The following GRIK2 variants were observed in gnomAD, a reference collection of about 807,000 sequenced individuals.
GRIK2 encodes the protein glutamate receptor ionotropic, kainate 2.
In GRIK2, 32 loss-of-function variants were observed where a neutral mutation model predicts 100.3. The ratio of observed to expected loss-of-function variants is 0.32; its 90% CI spans 0.24 to 0.43. The LOEUF is 0.43. GRIK2 is among the 20% of genes least tolerant of loss of function. The pLI, the probability that GRIK2 is intolerant of heterozygous loss-of-function variation, is 1.00. For missense variants in GRIK2, 843 were observed against 1,114.9 expected, an observed-to-expected ratio of 0.76 and a Z score of 3.47; for synonymous variants, 417 against 389.4, an observed-to-expected ratio of 1.07 and a Z score of -0.83.
At chr6:101,748,082 T>C (rs1020051799) in intron 7 of GRIK2, among the ~76,000 whole-genome samples, 3 of 152,208 alleles carry the variant, frequency 2.0e-5, no homozygotes, top group African/African-American at 7.2e-5. Context: ...CTGCAGTCAC[T>C]ACCATGTAAA....
chr6:101,839,452 A>G (rs1478681642), intron 10 of GRIK2, among the ~76,000 whole-genome samples: 1 of 152,164 alleles, frequency 6.6e-6, no homozygotes, highest in East Asian at 1.9e-4. Flanking sequence ...CTGGTGATGG[A>G]TGAGTGTGAA....
chr6:101,437,131 T>G (rs950123543), intron 2 of GRIK2, among the ~76,000 whole-genome samples: 9 of 151,990 alleles, frequency 5.9e-5, no homozygotes, highest in Non-Finnish European at 1.3e-4. Flanking sequence ...CTAAATTTAC[T>G]AAAGACTGAG....
chr6:101,460,065 G>C (rs570908623), intron 2 of GRIK2, among the ~76,000 whole-genome samples: 3 of 152,216 alleles, frequency 2.0e-5, no homozygotes, highest in African/African-American at 7.2e-5. Flanking sequence ...CCGCACATCT[G>C]TTGCTCTTAT....
At chr6:101,564,975 T>C (rs1475955656) in intron 2 of GRIK2, among the ~76,000 whole-genome samples, 1 of 152,126 alleles carries the variant, frequency 6.6e-6, no homozygotes, top group Non-Finnish European at 1.5e-5. Flanking sequence ...CTCATCCATA[T>C]TCCCCAAAAT....
intron 14 of GRIK2, among the ~76,000 whole-genome samples, chr6:101,963,643 C>T (rs564741297): frequency 4.0e-4 from 60 of 151,442 alleles, no homozygotes; most frequent in South Asian, 2.5e-3. Flanking sequence ...TGAGCCACCG[C>T]GCCCGGCCAC....
chr6:101,447,704 T>C (rs1012426895), intron 2 of GRIK2, among the ~76,000 whole-genome samples: 1 of 151,712 alleles, frequency 6.6e-6, no homozygotes, highest in Non-Finnish European at 1.5e-5. Context: ...TCTTGAACTA[T>C]TGATGAGACA....
chr6:101,923,680 G>C (rs1437813002), intron 12 of GRIK2, among the ~76,000 whole-genome samples: 2 of 152,046 alleles, frequency 1.3e-5, no homozygotes, highest in Non-Finnish European at 2.9e-5. Flanking sequence ...TAGCACTTTG[G>C]GAGGCCCAGG....
At chr6:101,434,850 T>G (rs920159692) in intron 2 of GRIK2, among the ~76,000 whole-genome samples, 3 of 152,048 alleles carry the variant, frequency 2.0e-5, no homozygotes, top group Admixed American at 2.0e-4. Flanking sequence ...AAGGGAAACA[T>G]AAACCAAAGG....
intron 15 of GRIK2, among the ~76,000 whole-genome samples, chr6:102,054,260 C>G (rs1230219475): frequency 6.6e-6 from 1 of 152,106 alleles, no homozygotes; most frequent in African/African-American, 2.4e-5. Flanking sequence ...TGCCTACTCT[C>G]ACTAAAAGAG....
intron 6 of GRIK2, among the ~76,000 whole-genome samples, chr6:101,684,427 A>G (rs1056473728): frequency 6.6e-6 from 1 of 152,120 alleles, no homozygotes; most frequent in Non-Finnish European, 1.5e-5. Context: ...ATTCTCATTT[A>G]TAGCTGAACT....
intron 2 of GRIK2, among the ~76,000 whole-genome samples, chr6:101,532,859 T>G (rs1234495586): frequency 6.6e-6 from 1 of 151,748 alleles, no homozygotes; most frequent in Non-Finnish European, 1.5e-5. Context: ...AGAATTAAGA[T>G]GAAAACAGAA....
At chr6:101,787,820 T>G (rs1779537027) in intron 7 of GRIK2, among the ~76,000 whole-genome samples, 1 of 152,182 alleles carries the variant, frequency 6.6e-6, no homozygotes, top group Non-Finnish European at 1.5e-5. Context: ...TAAGTCCCTT[T>G]GGCTAAACTG....
chr6:101,924,580 T>A (rs1291345676), intron 12 of GRIK2, 21 bp from the exon 13 acceptor site: 3 of 1,245,240 alleles, frequency 2.4e-6, no homozygotes, highest in Non-Finnish European at 3.5e-6. Context: ...AATGTATTCT[T>A]TTTTCTGTCA....
chr6:101,616,762 G>T (rs980924392), intron 2 of GRIK2, among the ~76,000 whole-genome samples: 3 of 151,616 alleles, frequency 2.0e-5, no homozygotes, highest in African/African-American at 4.8e-5. Context: ...TTTCTATTCA[G>T]CTGTGCTCTT....
intron 11 of GRIK2, among the ~76,000 whole-genome samples, chr6:101,885,423 A>G (rs1487514556): frequency 1.3e-5 from 2 of 152,116 alleles, no homozygotes; most frequent in Non-Finnish European, 2.9e-5. Context: ...GAGCATTGTT[A>G]AGTCATCTTT....
intron 7 of GRIK2, among the ~76,000 whole-genome samples, chr6:101,752,311 G>A (rs553622834): frequency 1.5e-4 from 23 of 152,122 alleles, no homozygotes; most frequent in Non-Finnish European, 2.8e-4. Context: ...AGTGTCTTTT[G>A]TTGAGTATTA....
At chr6:101,635,993 G>A (rs555895123) in intron 4 of GRIK2, among the ~76,000 whole-genome samples, 24 of 152,018 alleles carry the variant, frequency 1.6e-4, no homozygotes, top group East Asian at 1.4e-3. Context: ...CAGTAATCCC[G>A]TTACTGGGTA....
At chr6:101,529,280 A>G (rs1775303594) in intron 2 of GRIK2, among the ~76,000 whole-genome samples, 1 of 152,000 alleles carries the variant, frequency 6.6e-6, no homozygotes. Flanking sequence ...ACTTTGTAGA[A>G]TTTTGCTTGG....
At chr6:102,031,918 C>T (rs1770021314) in intron 14 of GRIK2, among the ~76,000 whole-genome samples, 1 of 151,268 alleles carries the variant, frequency 6.6e-6, no homozygotes, top group Non-Finnish European at 1.5e-5. Flanking sequence ...ACAAGGAAGA[C>T]TTTTCTATTC....
Sources: allele counts gnomAD v4.1 joint callset (sites outside exome capture counted in the v4.1 genomes callset), GRCh38; gene constraint gnomAD v4.1.1; transcripts MANE v1.5; gene names NCBI Gene and HGNC (gene_info 2026-07-23, HGNC 2026-07-21).